EPHA5: variants seen among roughly 807,000 people sequenced by gnomAD.
EPHA5 encodes ephrin type-A receptor 5.
EPHA5 carries 60 observed loss-of-function variants against 105.0 expected under a neutral mutation model. The ratio of observed to expected loss-of-function variants is 0.57; its 90% CI spans 0.46 to 0.71. The LOEUF is 0.71. Ranked by LOEUF, EPHA5 falls within the 30% of genes least tolerant of loss-of-function variation. The probability of loss-of-function intolerance (pLI) is 0.00; values close to 1 mark genes in which losing one functional copy is unlikely to be tolerated. For missense variants in EPHA5, 1,218 were observed against 1,274.7 expected (o/e 0.96, Z 0.68); for synonymous variants, 513 against 449.1 (o/e 1.14, Z -1.80).
intron 5 of EPHA5, among the ~76,000 whole-genome samples, chr4:65,421,096 CAAATA>C (rs1214320765): frequency 6.6e-6 from 1 of 151,912 alleles, no homozygotes; most frequent in African/African-American, 2.4e-5. Flanking sequence ...AAAATAAGAG[CAAATA>C]AAATAAACTT....
In EPHA5 at chr4:65,324,238, C is replaced by T. The variant is rs2148777314; in HGVS notation, c.2946-19G>A. On this transcript the variant is annotated intron_variant, in intron 16 of 16. Coordinates refer to ENST00000613740, the MANE Select transcript of EPHA5 (RefSeq NM_001281766.3). ...CAAATCCCTGCATGAAGAAAGCACACATTGGATGTATTGATTCAATTTGTA... is the reference window on the plus strand; with the variant it reads ...CAAATCCCTGCATGAAGAAAGCACATATTGGATGTATTGATTCAATTTGTA... The T allele has an allele frequency of 2.6e-6, 4 of 1,552,306 alleles. No individual in the cohort carries two copies. Among genetic ancestry groups the T allele is most frequent in the Non-Finnish European group, 3.5e-6 (4 of 1,127,126 alleles).
intron 5 of EPHA5, among the ~76,000 whole-genome samples, chr4:65,472,219 G>A (rs1729357474): frequency 6.6e-6 from 1 of 152,132 alleles, no homozygotes; most frequent in Non-Finnish European, 1.5e-5. Flanking sequence ...TCATCTCCTT[G>A]AGTCCCTGTC....
At chr4:65,581,195 T>G (rs770197025) in intron 3 of EPHA5, among the ~76,000 whole-genome samples, 4 of 151,826 alleles carry the variant, frequency 2.6e-5, no homozygotes, top group African/African-American at 4.8e-5. Context: ...TCTCTAAAAG[T>G]ATATTGTTCT....
At chr4:65,496,143 C>G (rs1385119081) in intron 3 of EPHA5, among the ~76,000 whole-genome samples, 1 of 152,118 alleles carries the variant, frequency 6.6e-6, no homozygotes, top group African/African-American at 2.4e-5. Flanking sequence ...CTTTGAGACA[C>G]CTACTGATTC....
chr4:65,400,841 A>G (rs989422874), intron 8 of EPHA5, among the ~76,000 whole-genome samples: 7 of 152,132 alleles, frequency 4.6e-5, no homozygotes, highest in African/African-American at 1.7e-4. Context: ...TAAATTGCCA[A>G]TGAATATTAC....
At chr4:65,532,077 C>A (rs2149304217) in intron 3 of EPHA5, among the ~76,000 whole-genome samples, 1 of 152,182 alleles carries the variant, frequency 6.6e-6, no homozygotes, top group South Asian at 2.1e-4. Flanking sequence ...GTACACTAGG[C>A]AGGATAAATG....
chr4:65,324,181 T>C lies in EPHA5; in HGVS notation c.2984A>G (p.Gln995Arg). The C allele has an allele frequency of 1.2e-6, 2 of 1,609,666 alleles. No homozygotes were observed. Among genetic ancestry groups the C allele is most frequent in the Non-Finnish European group, 8.5e-7 (1 of 1,177,092 alleles). Residue 995 changes from glutamine to arginine, a missense_variant, in exon 17 of 17, where the codon CAG (glutamine) becomes CGG (arginine). Coordinates refer to ENST00000613740, the MANE Select transcript of EPHA5 (RefSeq NM_001281766.3). ...TTGAAGGCTGTTCATGATCTTCTTC[T>C]GGTGACCGACAAGAGTCACTCCAAG... ...RRLGVTLVGH[Q>R]KKIMNSLQEM...
chr4:65,638,054 G>A (rs1011438064), intron 2 of EPHA5, among the ~76,000 whole-genome samples: 3 of 152,038 alleles, frequency 2.0e-5, no homozygotes, highest in African/African-American at 7.2e-5. Context: ...CAGATTTGAG[G>A]TAGACATTTT....
intron 7 of EPHA5, among the ~76,000 whole-genome samples, chr4:65,408,918 T>A (rs1226757250): frequency 6.6e-6 from 1 of 151,922 alleles, no homozygotes; most frequent in East Asian, 1.9e-4. Context: ...TTATTAACAA[T>A]AGCAAAGACT....
chr4:65,495,237 G>C (rs1037201857), intron 4 of EPHA5, 151 bp downstream of exon 4: 8 of 768,022 alleles, frequency 1.0e-5, no homozygotes, highest in Non-Finnish European at 1.4e-5. Context: ...CTTATTCAAG[G>C]AGATTGAAAA....
chr4:65,343,645 T>C (rs1350353043), intron 14 of EPHA5, among the ~76,000 whole-genome samples: 1 of 152,306 alleles, frequency 6.6e-6, no homozygotes, highest in East Asian at 1.9e-4. Context: ...GTTTCTTGGA[T>C]ACAAAATTTG....
rs80229925 is a variant in EPHA5, at chr4:65,546,414, G to A, written c.911-50871C>T. On this transcript the variant is annotated intron_variant, in intron 3 of 16. Coordinates refer to ENST00000613740, the MANE Select transcript of EPHA5 (RefSeq NM_001281766.3). Reference sequence around the variant, plus strand: ...AGTTGTTAAAAGGTGGATATGCTCAGTATTGCCTATAAAGCAATACAGTTT... The same window carrying A: ...AGTTGTTAAAAGGTGGATATGCTCAATATTGCCTATAAAGCAATACAGTTT... Among the ~76,000 whole-genome samples, 474 of 152,096 alleles carry A rather than the reference G, an allele frequency of 3.1e-3. 4 individuals carry two copies. Among genetic ancestry groups the A allele is most frequent in the African/African-American group, 0.011 (456 of 41,536 alleles).
intron 3 of EPHA5, among the ~76,000 whole-genome samples, chr4:65,555,305 C>T (rs1490457660): frequency 1.3e-5 from 2 of 151,846 alleles, no homozygotes; most frequent in Non-Finnish European, 2.9e-5. Flanking sequence ...TATTTGGACA[C>T]CCTACCATGA....
intron 5 of EPHA5, among the ~76,000 whole-genome samples, chr4:65,444,096 A>G (rs1726284183): frequency 6.6e-6 from 1 of 152,190 alleles, no homozygotes; most frequent in Non-Finnish European, 1.5e-5. Flanking sequence ...TAATTTTACT[A>G]ATGTTGCTAC....
intron 1 of EPHA5, among the ~76,000 whole-genome samples, chr4:65,650,062 G>A (rs746621143): frequency 1.5e-3 from 223 of 152,246 alleles, no homozygotes; most frequent in Non-Finnish European, 2.2e-3. Context: ...AATCCATTTA[G>A]TTTGTCCATC....
intron 1 of EPHA5, among the ~76,000 whole-genome samples, chr4:65,646,631 A>G (rs1431654771): frequency 2.0e-5 from 3 of 152,172 alleles, no homozygotes; most frequent in African/African-American, 7.2e-5. Context: ...TATTGATGCC[A>G]CTAGAAATTT....
chr4:65,445,353 A>T (rs1726414810), intron 5 of EPHA5, among the ~76,000 whole-genome samples: 1 of 152,262 alleles, frequency 6.6e-6, no homozygotes, highest in South Asian at 2.1e-4. Context: ...TTTAAACAAT[A>T]TGTTATTTAA....
At chr4:65,417,608 C>A (rs1451171) in intron 6 of EPHA5, among the ~76,000 whole-genome samples, 106,784 of 151,824 alleles carry the variant, frequency 0.7, 39,439 homozygotes, top group South Asian at 0.85. Context: ...GTTTAGAAAC[C>A]TTTTTCCCAA....
intron 3 of EPHA5, among the ~76,000 whole-genome samples, chr4:65,519,268 G>A (rs1019423132): frequency 6.6e-6 from 1 of 151,944 alleles, no homozygotes; most frequent in African/African-American, 2.4e-5. Context: ...CAGAACCAAA[G>A]ACAAAAACCA....
Sources: gnomAD v4.1 joint callset for allele counts (sites outside exome capture counted in the v4.1 genomes callset) on GRCh38, gnomAD v4.1.1 for gene constraint, MANE v1.5 for transcripts, NCBI Gene and HGNC (gene_info 2026-07-23, HGNC 2026-07-21) for gene names.